Variants in PTPRN2 observed in about 807,000 individuals in gnomAD.
PTPRN2 encodes protein tyrosine phosphatase receptor type N2.
Under a neutral mutation model 118.8 loss-of-function variants are expected in PTPRN2, and 74 were observed. The ratio of observed to expected loss-of-function variants is 0.62; its 90% confidence interval spans 0.52 to 0.76. The LOEUF (loss-of-function observed/expected upper bound fraction) is 0.76, where lower values mean the gene tolerates loss of function less well. Among genes scored for constraint, PTPRN2 ranks in the 30% least tolerant of loss-of-function variants. PTPRN2 has a pLI of 0.00. For missense variants in PTPRN2, 1,481 were observed against 1,394.4 expected (o/e 1.06, Z -0.99); for synonymous variants, 641 against 608.0 (o/e 1.05, Z -0.80).
chr7:158,158,788 G>A (rs548252232), intron 6 of PTPRN2, among the ~76,000 whole-genome samples: 1 of 88,814 alleles, frequency 1.1e-5, no homozygotes. Context: ...CCGGGACTTC[G>A]CAAGTGCTTC....
chr7:157,694,782 T>A (rs2150844748), intron 12 of PTPRN2, among the ~76,000 whole-genome samples: 1 of 151,520 alleles, frequency 6.6e-6, no homozygotes, highest in South Asian at 2.1e-4. Context: ...TTTTTTTTGG[T>A]CATGAGATCT....
At chr7:157,750,523 G>C (rs1193835343) in intron 12 of PTPRN2, among the ~76,000 whole-genome samples, 1 of 152,230 alleles carries the variant, frequency 6.6e-6, no homozygotes, top group East Asian at 1.9e-4. Flanking sequence ...AGCTGCTGGA[G>C]ACCCAGCCCC....
intron 11 of PTPRN2, among the ~76,000 whole-genome samples, chr7:157,921,667 T>C (rs1302867101): frequency 6.6e-6 from 1 of 152,244 alleles, no homozygotes; most frequent in Non-Finnish European, 1.5e-5. Context: ...CGTCTCATTA[T>C]ACATGCTCAT....
chr7:157,645,489 C>T (rs1362874899), intron 14 of PTPRN2, among the ~76,000 whole-genome samples: 2 of 152,222 alleles, frequency 1.3e-5, no homozygotes, highest in African/African-American at 4.8e-5. Flanking sequence ...TCCGCGATGA[C>T]TCAGGATCTG....
chr7:157,854,916 G>A, intron 12 of PTPRN2: 1 of 176,980 alleles, frequency 5.7e-6, no homozygotes. Context: ...GCAGGGATGT[G>A]TGTGGGGCTG....
chr7:158,234,884 TC>T (rs1289515351), intron 3 of PTPRN2, among the ~76,000 whole-genome samples: 1 of 152,184 alleles, frequency 6.6e-6, no homozygotes, highest in African/African-American at 2.4e-5. Flanking sequence ...TGCCTCAGCC[TC>T]CCGAGTAGCT....
At chr7:158,430,815 G>A (rs1046253333) in intron 2 of PTPRN2, among the ~76,000 whole-genome samples, 1 of 152,220 alleles carries the variant, frequency 6.6e-6, no homozygotes, top group African/African-American at 2.4e-5. Context: ...CCGGGTGACT[G>A]ACCTGGAGTG....
chr7:157,723,416 ACCAGCTTC>A (rs1485355178), intron 12 of PTPRN2, among the ~76,000 whole-genome samples: 1 of 152,018 alleles, frequency 6.6e-6, no homozygotes, highest in Non-Finnish European at 1.5e-5. Flanking sequence ...TTCTCCCTGA[ACCAGCTTC>A]TACTCCAGTC....
At chr7:158,537,478 G>A (rs1228083694) in intron 1 of PTPRN2, 1 of 152,310 alleles carries the variant, frequency 6.6e-6, no homozygotes, top group African/African-American at 2.4e-5. Flanking sequence ...GGGAGGAAGT[G>A]CAGTCCACAT....
rs865839966 is a variant in PTPRN2 at position 158,280,570 on chromosome 7, G to C, written c.277+36249C>G. Reference sequence around the variant, plus strand: ...CTTTCATAGCAGCCCTGAGATACCGGGTGGAGAGGGCAGATGGAGAGAGAA... The same window carrying C: ...CTTTCATAGCAGCCCTGAGATACCGCGTGGAGAGGGCAGATGGAGAGAGAA... On this transcript the variant is annotated intron_variant, in intron 3 of 22. Coordinates refer to ENST00000389418, the MANE Select transcript of PTPRN2 (RefSeq NM_002847.5). Among the ~76,000 whole-genome samples the C allele has an allele frequency of 1.3e-4, 20 of 152,292 alleles. No homozygotes were observed. In the Middle Eastern group the frequency reaches 0.01, roughly 78 times the overall value.
intron 2 of PTPRN2, among the ~76,000 whole-genome samples, chr7:158,333,330 T>G (rs1586318279): frequency 7.1e-6 from 1 of 140,104 alleles, no homozygotes; most frequent in Non-Finnish European, 1.5e-5. Flanking sequence ...ACCCACACTG[T>G]CACCATAAGA....
At chr7:158,208,493 G>A (rs1827335289) in intron 3 of PTPRN2, among the ~76,000 whole-genome samples, 1 of 152,128 alleles carries the variant, frequency 6.6e-6, no homozygotes, top group African/African-American at 2.4e-5. Flanking sequence ...CCAGGAAACG[G>A]GATTGTTATT....
chr7:158,281,362 T>C (rs1249277895), intron 3 of PTPRN2, among the ~76,000 whole-genome samples: 1 of 152,240 alleles, frequency 6.6e-6, no homozygotes, highest in Non-Finnish European at 1.5e-5. Flanking sequence ...AGTAGAGTCA[T>C]ACACATACTC....
intron 10 of PTPRN2, among the ~76,000 whole-genome samples, chr7:158,098,072 G>T (rs1814792787): frequency 6.6e-6 from 1 of 152,150 alleles, no homozygotes; most frequent in African/African-American, 2.4e-5. Flanking sequence ...CCAAGTGTGT[G>T]CCCGTGGCTG....
intron 2 of PTPRN2, among the ~76,000 whole-genome samples, chr7:158,469,536 G>A (rs1439153806): frequency 6.6e-6 from 1 of 152,140 alleles, no homozygotes; most frequent in African/African-American, 2.4e-5. Flanking sequence ...TCTTTTTAAA[G>A]AAAGAAGAAG....
intron 2 of PTPRN2, among the ~76,000 whole-genome samples, chr7:158,483,885 C>A (rs550221427): frequency 1.3e-5 from 2 of 152,252 alleles, no homozygotes; most frequent in East Asian, 3.9e-4. Context: ...TGCCTGTAAT[C>A]CCAGCACTTC....
chr7:158,320,712 GTATT>G (rs773634746), intron 2 of PTPRN2, among the ~76,000 whole-genome samples: 1 of 152,096 alleles, frequency 6.6e-6, no homozygotes, highest in African/African-American at 2.4e-5. Context: ...CCTTATCTCC[GTATT>G]TAAAGGACTT....
chr7:157,601,386 G>C (rs761980172), intron 16 of PTPRN2, among the ~76,000 whole-genome samples: 4 of 151,942 alleles, frequency 2.6e-5, no homozygotes, highest in Non-Finnish European at 4.4e-5. Flanking sequence ...TGTACCTTCA[G>C]CTATTTCATA....
At chr7:157,545,820 T>C (rs1234205841) in intron 22 of PTPRN2, among the ~76,000 whole-genome samples, 1 of 152,108 alleles carries the variant, frequency 6.6e-6, no homozygotes, top group Non-Finnish European at 1.5e-5. Context: ...GCTCTTTCCT[T>C]GTCTTCAGTT....
Sources: allele counts gnomAD v4.1 joint callset (sites outside exome capture counted in the v4.1 genomes callset), GRCh38; gene constraint gnomAD v4.1.1; transcripts MANE v1.5; gene names NCBI Gene and HGNC (gene_info 2026-07-23, HGNC 2026-07-21).